Variants in KBTBD4 observed in about 807,000 individuals in gnomAD.
KBTBD4 encodes the protein kelch repeat and BTB domain-containing protein 4.
KBTBD4 carries 30 observed loss-of-function variants against 43.9 expected under a neutral mutation model. That is an observed-to-expected ratio of 0.68 (90% CI 0.51 to 0.93). The LOEUF (loss-of-function observed/expected upper bound fraction) is 0.93, where lower values mean the gene tolerates loss of function less well. Ranked by LOEUF, KBTBD4 falls within the 40% of genes least tolerant of loss-of-function variation. The pLI is 0.00. For missense variants in KBTBD4, 575 were observed against 668.8 expected (o/e 0.86, Z 1.55); for synonymous variants, 258 against 256.9 (o/e 1.00, Z -0.04).
intron 2 of KBTBD4, 22 bp from the exon 3 acceptor site, chr11:47,575,721 C>T: frequency 1.4e-6 from 2 of 1,465,440 alleles, no homozygotes; most frequent in African/African-American, 1.4e-5. Flanking sequence ...AGAGGAAAGG[C>T]ATGGTCAATG....
At chr11:47,574,886 CT>C (rs2097256253) in intron 3 of KBTBD4, among the ~76,000 whole-genome samples, 1 of 3,700 alleles carries the variant, frequency 2.7e-4, no homozygotes, top group Admixed American at 4.6e-3. Flanking sequence ...AAGAGCGAAA[CT>C]CCCATCTCTC....
chr11:47,573,368 A>G lies in KBTBD4; in HGVS notation c.1167T>C (p.Gly389=). 6.2e-7 allele frequency: 1 copy of G among 1,614,162 alleles called. No individual in the cohort carries two copies. ...AGTAGATGATCCCGTTGAGGTTGGC[A>G]CCAGCAGCCCCTGACACAGCCACCT... ...QLEVAVSGAA[G]ANLNGIIYLL... is the part of the protein sequence containing the mutation. The change falls in exon 4 of 4, where the codon GGT becomes GGC. Residue 389 remains glycine, a synonymous_variant. Transcript: ENST00000430070. The surrounding 1 kb of genome is among the most constrained non-coding windows in gnomAD (Gnocchi z 4.1).
chr11:47,572,617 T>G lies in KBTBD4; in HGVS notation c.*313A>C. 2.9e-6 allele frequency: 1 copy of G among 341,110 alleles called. No individual in the cohort carries two copies. The highest frequency in any genetic ancestry group is 5.4e-6 in the Non-Finnish European group (1 of 186,534). The allele number at this position is 341,110 out of a possible 1,614,324, so 21.1% of individuals were successfully genotyped here. A position where few individuals can be genotyped will look rare whatever the true frequency, so the allele number is the denominator to read the frequency against. On this transcript the variant is annotated 3_prime_UTR_variant, in exon 4 of 4. Transcript: ENST00000430070. ...GGATCAGGGGTGCTTACATTTAACATTGATCAGGTAAAGAGGAGAGGCTGT... is the reference window on the plus strand; with the variant it reads ...GGATCAGGGGTGCTTACATTTAACAGTGATCAGGTAAAGAGGAGAGGCTGT...
In KBTBD4 at chr11:47,572,986, T is replaced by A; in HGVS notation, c.1549A>T (p.Thr517Ser). ...YKLDPATSAV[T>S]VTRGIKVLLT... ...AGCACCTTAATACCTCTTGTGACAG[T>A]TACGGCTGAAGTGGCAGGGTCAAGC... Residue 517 changes from threonine to serine, a missense_variant, in exon 4 of 4, where the codon ACT (threonine) becomes TCT (serine). Thr to Ser is a moderately conservative substitution (Grantham distance 58, BLOSUM62 1). Coordinates refer to ENST00000430070, the MANE Select transcript of KBTBD4 (RefSeq NM_018095.6). 2 of 1,614,240 alleles carry A rather than the reference T, an allele frequency of 1.2e-6. No individual in the cohort carries two copies. Among genetic ancestry groups the A allele is most frequent in the Non-Finnish European group, 1.7e-6 (2 of 1,180,050 alleles).
At chr11:47,578,446 C>T (rs2097264511) in intron 1 of KBTBD4, 1 of 570,392 alleles carries the variant, frequency 1.8e-6, no homozygotes, top group South Asian at 2.3e-5. Flanking sequence ...AAAAGGACCC[C>T]TGGCCCCGGC....
At position 47,572,813 on chromosome 11, in the gene KBTBD4, G is replaced by A. The variant is rs2097251585; in HGVS notation, c.*117C>T. 9.5e-7 allele frequency: 1 copy of A among 1,054,222 alleles called. No homozygotes were observed. The highest frequency in any genetic ancestry group is 1.4e-6 in the Non-Finnish European group (1 of 731,616). The allele number at this position is 1,054,222 out of a possible 1,614,324, so 65.3% of individuals were successfully genotyped here. A position where few individuals can be genotyped will look rare whatever the true frequency, so the allele number is the denominator to read the frequency against. ...TCCATGGATTCAGGGAAGGGCTGAG[G>A]CACTGCCTTTCTAGTATGTGCCAAA... On this transcript the variant is annotated 3_prime_UTR_variant, in exon 4 of 4. Coordinates refer to ENST00000430070, the MANE Select transcript of KBTBD4 (RefSeq NM_018095.6).
chr11:47,575,765 T>C, intron 2 of KBTBD4, 66 bp from the exon 3 acceptor site: 2 of 1,067,060 alleles, frequency 1.9e-6, no homozygotes, highest in Non-Finnish European at 1.4e-6. Flanking sequence ...GTAAGGGACT[T>C]TAAAGATGTG....
At chr11:47,576,958 T>G (rs2097260789) in intron 2 of KBTBD4, among the ~76,000 whole-genome samples, 1 of 152,162 alleles carries the variant, frequency 6.6e-6, no homozygotes, top group Admixed American at 6.5e-5. Context: ...ATTACAGGTG[T>G]GAGCCACCAT....
intron 3 of KBTBD4, among the ~76,000 whole-genome samples, chr11:47,575,209 TA>T (rs751592990): frequency 0.017 from 1,525 of 91,164 alleles, 10 homozygotes; most frequent in Middle Eastern, 0.087. Context: ...GAATCCGTCT[TA>T]AAAAAAAAAA....
intron 1 of KBTBD4, 98 bp downstream of exon 1, chr11:47,578,835 G>A: frequency 6.5e-7 from 1 of 1,547,292 alleles, no homozygotes; most frequent in East Asian, 2.4e-5. Flanking sequence ...CACCCGCCTG[G>A]TTCTTCAGCG....
chr11:47,572,649 G>A lies in KBTBD4; in HGVS notation c.*281C>T. The A allele has an allele frequency of 2.2e-6, 1 of 460,862 alleles. No individual in the cohort carries two copies. The highest frequency in any genetic ancestry group is 3.9e-6 in the Non-Finnish European group (1 of 257,600). The allele number at this position is 460,862 out of a possible 1,614,324, so 28.5% of individuals were successfully genotyped here. A position where few individuals can be genotyped will look rare whatever the true frequency, so the allele number is the denominator to read the frequency against. ...GGTAAAGAGGAGAGGCTGTGCCTAAGGTCTGAGAAAAGGCTTGCTCTAAGC... is the reference window on the plus strand; with the variant it reads ...GGTAAAGAGGAGAGGCTGTGCCTAAAGTCTGAGAAAAGGCTTGCTCTAAGC... On this transcript the variant is annotated 3_prime_UTR_variant, in exon 4 of 4. Transcript: ENST00000430070.
At position 47,573,271 on chromosome 11, in the gene KBTBD4, CTG is replaced by C. The variant is rs1049816259; in HGVS notation, c.1262_1263del (p.Thr421ArgfsTer24). On this transcript the variant is annotated frameshift_variant, in exon 4 of 4. Transcript: ENST00000430070. LOFTEE classifies it high-confidence loss of function. This position sits in a 1 kb window ranked among gnomAD's most constrained non-coding sequence, Gnocchi z 4.1. The part of the protein sequence containing the change: ...KPSRLIQCFD[T>X]ETDKCHVKPY... ...GGCTTCACATGGCATTTGTCTGTCTCTGTGTCAAAGCACTGGATGAGTCGGGA... is the reference window on the plus strand; with the variant it reads ...GGCTTCACATGGCATTTGTCTGTCTCTGTCAAAGCACTGGATGAGTCGGGA... 1 of 1,614,168 alleles carries C rather than the reference CTG, an allele frequency of 6.2e-7. No homozygotes were observed. The highest frequency in any genetic ancestry group is 2.2e-5 in the East Asian group (1 of 44,874).
chr11:47,576,185 G>A (rs1393977163), intron 2 of KBTBD4, among the ~76,000 whole-genome samples: 1 of 33,298 alleles, frequency 3.0e-5, no homozygotes, highest in Non-Finnish European at 6.3e-5. Flanking sequence ...TTTTTTTTTT[G>A]AGATGGAGTC....
Position 47,578,022 on chromosome 11 carries a change from C to T in KBTBD4, c.26G>A (p.Trp9Ter). The T allele has an allele frequency of 6.2e-7, 1 of 1,614,138 alleles. No homozygotes were observed. Among genetic ancestry groups the T allele is most frequent in the Non-Finnish European group, 8.5e-7 (1 of 1,180,034 alleles). Residue 9 changes from tryptophan to a stop codon, truncating the protein, a stop_gained, in exon 2 of 4, where the codon TGG becomes TAG. Coordinates refer to ENST00000430070, the MANE Select transcript of KBTBD4 (RefSeq NM_018095.6). LOFTEE classifies it high-confidence loss of function. MKGGNADS[W>*]QREKLASMES... ...CATGCTAGCCAACTTCTCTCTCTGC[C>T]AGCTGTCTGCAAAGCAACACCATCT... is the stretch of plus-strand genomic sequence containing the variant.
At chr11:47,575,807 G>A in intron 2 of KBTBD4, 108 bp from the exon 3 acceptor site, 1 of 636,100 alleles carries the variant, frequency 1.6e-6, no homozygotes, top group Non-Finnish European at 2.8e-6. Flanking sequence ...CTGGGCATGT[G>A]TATATGTGTA....
intron 1 of KBTBD4, chr11:47,578,556 A>T: frequency 1.4e-6 from 1 of 698,900 alleles, no homozygotes. Flanking sequence ...CTCTCTTCTG[A>T]GCTGCTTCCC....
chr11:47,573,261 T>C lies in KBTBD4; in HGVS notation c.1274A>G (p.Lys425Arg), dbSNP rs1402718303. The change falls in exon 4 of 4, where the codon AAA becomes AGA. Residue 425 changes from lysine to arginine, a missense_variant. Physicochemically the swap from Lys to Arg is conservative, Grantham distance 26 (BLOSUM62 2). Coordinates refer to ENST00000430070, the MANE Select transcript of KBTBD4 (RefSeq NM_018095.6). The surrounding 1 kb of genome is among the most constrained non-coding windows in gnomAD (Gnocchi z 4.1). ...LIQCFDTETD[K>R]CHVKPYVLPF... is the part of the protein sequence containing the mutation. ...CAGCACATAGGGCTTCACATGGCAT[T>C]TGTCTGTCTCTGTGTCAAAGCACTG... 5 of 1,614,090 alleles carry C rather than the reference T, an allele frequency of 3.1e-6. No individual in the cohort carries two copies. Among genetic ancestry groups the C allele is most frequent in the Non-Finnish European group, 4.2e-6 (5 of 1,180,014 alleles).
In KBTBD4 at chr11:47,573,096, G is replaced by A. The variant is rs2097252376; in HGVS notation, c.1439C>T (p.Pro480Leu). ...LCLPEAWSSA[P>L]SLWKIASCNG... ...ACAGCTGGCAATCTTCCAGAGGGAT[G>A]GGGCAGAGCTCCAGGCCTCAGGAAG... Residue 480 changes from proline to leucine, a missense_variant, in exon 4 of 4, where the codon CCA (proline) becomes CTA (leucine). Coordinates refer to ENST00000430070, the MANE Select transcript of KBTBD4 (RefSeq NM_018095.6). The surrounding 1 kb of genome is among the most constrained non-coding windows in gnomAD (Gnocchi z 4.1). The A allele has an allele frequency of 6.2e-7, 1 of 1,614,214 alleles. No individual in the cohort carries two copies. Among genetic ancestry groups the A allele is most frequent in the Non-Finnish European group, 8.5e-7 (1 of 1,180,032 alleles).
At position 47,578,194 on chromosome 11, in the gene KBTBD4, A is replaced by C. The variant is rs980402832; in HGVS notation, c.20-166T>G. On this transcript the variant is annotated intron_variant, in intron 1 of 3. Coordinates refer to ENST00000430070, the MANE Select transcript of KBTBD4 (RefSeq NM_018095.6). ...ATGTCCCTGACGCTATCCTTTAACC[A>C]AATCTGGGTTCGTTATCCCCAGTGG... The C allele has an allele frequency of 4.3e-6, 3 of 695,478 alleles. No homozygotes were observed. The African/African-American group carries it at 5.4e-5, about 13-fold the overall frequency. The allele number at this position is 695,478 out of a possible 1,614,324, so 43.1% of individuals were successfully genotyped here.
Sources: allele counts gnomAD v4.1 joint callset (sites outside exome capture counted in the v4.1 genomes callset), GRCh38; gene constraint gnomAD v4.1.1; non-coding constraint Gnocchi (gnomAD v3.1); transcripts MANE v1.5; gene names NCBI Gene and HGNC (gene_info 2026-07-23, HGNC 2026-07-21).